The following RAB20 variants were observed in gnomAD, a reference collection of about 807,000 sequenced individuals.
RAB20 encodes the protein RAB20, member RAS oncogene family, also known as ras-related protein Rab-20.
RAB20 carries 2 observed loss-of-function variants against 3.7 expected under a neutral mutation model. That is an observed-to-expected ratio of 0.54 (90% CI 0.22 to 1.69). The LOEUF (loss-of-function observed/expected upper bound fraction) is 1.69. Among genes scored for constraint, RAB20 ranks in the 40% most tolerant of loss-of-function variants. RAB20 has a pLI of 0.19. For synonymous variants in RAB20, 126 were observed against 130.8 expected (o/e 0.96, Z 0.25); for missense variants, 276 against 311.9 (o/e 0.88, Z 0.87).
chr13:110,528,413 C>CAAAAAAAAAAAAAAAAAAAA (rs11386477), intron 1 of RAB20, among the ~76,000 whole-genome samples: 1 of 122,448 alleles, frequency 8.2e-6, no homozygotes, highest in African/African-American at 3.1e-5. Context: ...AACTCCATCT[C>CAAAAAAAAAAAAAAAAAAAA]AAAAAAAAAA....
At chr13:110,549,887 C>T (rs1884921957) in intron 1 of RAB20, among the ~76,000 whole-genome samples, 1 of 152,118 alleles carries the variant, frequency 6.6e-6, no homozygotes, top group Admixed American at 6.5e-5. Flanking sequence ...CCAAGCGCAG[C>T]TAATTTTTGT....
In RAB20 at chr13:110,523,389, G is replaced by A. The variant is rs1034606937; in HGVS notation, c.*276C>T. 6.5e-6 allele frequency: 4 copies of A among 615,452 alleles called. No homozygotes were observed. In the Admixed American group the frequency reaches 1.4e-4, roughly 21 times the overall value. 38.1% of individuals were successfully genotyped at this position (615,452 alleles called of 1,614,324 possible). A position where few individuals can be genotyped will look rare whatever the true frequency, so the allele number is the denominator to read the frequency against. Reference sequence around the variant, plus strand: ...GCTGGCTGCAAAGGACCAGTGCCAGGCAGCGGGGCAGAGAGCACCAGGGGT... The same window carrying A: ...GCTGGCTGCAAAGGACCAGTGCCAGACAGCGGGGCAGAGAGCACCAGGGGT... On this transcript the variant is annotated 3_prime_UTR_variant, in exon 2 of 2. Transcript: ENST00000267328.
chr13:110,548,207 G>A (rs1313302567), intron 1 of RAB20, among the ~76,000 whole-genome samples: 1 of 152,172 alleles, frequency 6.6e-6, no homozygotes, highest in Non-Finnish European at 1.5e-5. Flanking sequence ...AATTCGGCCG[G>A]GCACGGTGGC....
intron 1 of RAB20, among the ~76,000 whole-genome samples, chr13:110,534,909 C>T (rs1884611696): frequency 6.6e-6 from 1 of 152,208 alleles, no homozygotes; most frequent in Non-Finnish European, 1.5e-5. Flanking sequence ...TCATGGCTCA[C>T]TGCAACCTCA....
intron 1 of RAB20, among the ~76,000 whole-genome samples, chr13:110,529,239 C>G (rs1297394118): frequency 6.6e-6 from 1 of 152,242 alleles, no homozygotes; most frequent in Non-Finnish European, 1.5e-5. Flanking sequence ...GACCCTCACG[C>G]GTTTTCTGGA....
At chr13:110,526,891 AC>A (rs1166448214) in intron 1 of RAB20, among the ~76,000 whole-genome samples, 5 of 152,148 alleles carry the variant, frequency 3.3e-5, no homozygotes, top group Non-Finnish European at 5.9e-5. Flanking sequence ...GTACTTAAGG[AC>A]AGCTGGTTAC....
At position 110,531,151 on chromosome 13, in the gene RAB20, GAGA is replaced by G. The variant is rs554596094; in HGVS notation, c.173-6957_173-6955del. Among the ~76,000 whole-genome samples, 11 of 152,312 alleles carry G rather than the reference GAGA, an allele frequency of 7.2e-5. No homozygotes were observed. The East Asian group carries it at 2.1e-3, about 29-fold the overall frequency. On this transcript the variant is annotated intron_variant, in intron 1 of 1. Coordinates refer to ENST00000267328, the MANE Select transcript of RAB20 (RefSeq NM_017817.3). ...AGGAGGAGGAACTGAGGCACAGATG[GAGA>G]AGGAGGTGGGCAACAGACACAGGAG...
Position 110,526,546 on chromosome 13 carries a change from G to A in RAB20, c.173-2349C>T, listed in dbSNP as rs555622266. Among the ~76,000 whole-genome samples the A allele has an allele frequency of 2.6e-5, 4 of 152,220 alleles. No individual in the cohort carries two copies. The East Asian group carries it at 5.8e-4, about 22-fold the overall frequency. On this transcript the variant is annotated intron_variant, in intron 1 of 1. Transcript: ENST00000267328. ...TTCCCCTGAGTGTGTGGACAGTGTC[G>A]ACCACTAGCAAGGGCTCTTAACCAC...
At chr13:110,525,608 G>C (rs1242082961) in intron 1 of RAB20, among the ~76,000 whole-genome samples, 1 of 152,256 alleles carries the variant, frequency 6.6e-6, no homozygotes, top group Non-Finnish European at 1.5e-5. Flanking sequence ...CAGATGTGGA[G>C]GACAGACTCC....
rs917634336 is a variant in RAB20, at chr13:110,523,394, G to A, written c.*271C>T. The A allele has an allele frequency of 7.5e-5, 47 of 627,326 alleles. No homozygotes were observed. The highest frequency in any genetic ancestry group is 3.4e-5 in the Non-Finnish European group (13 of 382,826). The allele number at this position is 627,326 out of a possible 1,614,324, so 38.9% of individuals were successfully genotyped here. A position where few individuals can be genotyped will look rare whatever the true frequency, so the allele number is the denominator to read the frequency against. On this transcript the variant is annotated 3_prime_UTR_variant, in exon 2 of 2. Transcript: ENST00000267328. ...CTGCAAAGGACCAGTGCCAGGCAGC[G>A]GGGCAGAGAGCACCAGGGGTCTCGA...
In RAB20 at chr13:110,561,221, C is replaced by G. The variant is rs569165352; in HGVS notation, c.172+127G>C. ...GCAAGGGAGGACGAGTGGGAAACCC[C>G]GAGAAGGAGGCATTTGCTGTCCGAG... On this transcript the variant is annotated intron_variant, in intron 1 of 1. Transcript: ENST00000267328. 2,458 of 1,239,758 alleles carry G rather than the reference C, an allele frequency of 2.0e-3. 4 individuals are homozygous for G. Among genetic ancestry groups the G allele is most frequent in the Non-Finnish European group, 2.5e-3 (2,340 of 937,470 alleles). 76.8% of individuals were successfully genotyped at this position (1,239,758 alleles called of 1,614,324 possible). A position where few individuals can be genotyped will look rare whatever the true frequency, so the allele number is the denominator to read the frequency against.
chr13:110,536,654 C>T (rs1294106573), intron 1 of RAB20, among the ~76,000 whole-genome samples: 2 of 134,748 alleles, frequency 1.5e-5, no homozygotes, highest in Non-Finnish European at 3.0e-5. Context: ...CAGAACTGCT[C>T]GCTTCCTGAA....
rs957262906 is a variant in RAB20 at position 110,561,419 on chromosome 13, A to C, written c.101T>G (p.Val34Gly). Residue 34 changes from valine (V) to glycine (G), a missense_variant, in exon 1 of 2, where the codon GTC (valine) becomes GGC (glycine). Coordinates refer to ENST00000267328, the MANE Select transcript of RAB20 (RefSeq NM_017817.3). Reference sequence around the variant, plus strand: ...GTAGAAGGCGCCGCCCACCGTGCTGACCGTGTCCGGGAAGCGCCGCTCCAT... The same window carrying C: ...GTAGAAGGCGCCGCCCACCGTGCTGCCCGTGTCCGGGAAGCGCCGCTCCAT... Reference protein sequence around the residue: ...RYMERRFPDTVSTVGGAFYLK... With the variant: ...RYMERRFPDTGSTVGGAFYLK... 1.9e-6 allele frequency: 3 copies of C among 1,609,900 alleles called. No homozygotes were observed. The highest frequency in any genetic ancestry group is 2.5e-6 in the Non-Finnish European group (3 of 1,178,102).
chr13:110,547,185 C>A (rs1884868120), intron 1 of RAB20, among the ~76,000 whole-genome samples: 1 of 152,340 alleles, frequency 6.6e-6, no homozygotes, highest in East Asian at 1.9e-4. Flanking sequence ...CTCCTCTAAC[C>A]AGACTGTCCT....
At chr13:110,538,730 C>T (rs1359820129) in intron 1 of RAB20, among the ~76,000 whole-genome samples, 1 of 152,136 alleles carries the variant, frequency 6.6e-6, no homozygotes. Flanking sequence ...AACCAGCTCC[C>T]TGGGGACGGC....
chr13:110,552,893 A>AC (rs1470527541), intron 1 of RAB20, among the ~76,000 whole-genome samples: 1 of 152,102 alleles, frequency 6.6e-6, no homozygotes, highest in East Asian at 1.9e-4. Context: ...GTCCCCTGGC[A>AC]CCCCAGGATT....
chr13:110,524,108 G>C lies in RAB20; in HGVS notation c.262C>G (p.Leu88Val). ...AGGAACCGGTCCTCCAGCTCCACCAGGCTCTGCCGGTGATTCACATCATAG... is the reference window on the plus strand; with the variant it reads ...AGGAACCGGTCCTCCAGCTCCACCACGCTCTGCCGGTGATTCACATCATAG... ...LTYDVNHRQS[L>V]VELEDRFLGL... The change falls in exon 2 of 2, where the codon CTG (leucine) becomes GTG (valine). Residue 88 changes from leucine to valine, a missense_variant. By Grantham distance (32) the Leu-to-Val change is conservative. Coordinates refer to ENST00000267328, the MANE Select transcript of RAB20 (RefSeq NM_017817.3). 1 of 1,612,944 alleles carries C rather than the reference G, an allele frequency of 6.2e-7. No homozygotes were observed. The highest frequency in any genetic ancestry group is 1.3e-5 in the African/African-American group (1 of 75,056).
At chr13:110,536,783 ATTTT>A (rs35700829) in intron 1 of RAB20, among the ~76,000 whole-genome samples, 4 of 128,828 alleles carry the variant, frequency 3.1e-5, no homozygotes, top group African/African-American at 1.2e-4. Context: ...TTTAATGGGA[ATTTT>A]TTTTTTATTA....
chr13:110,525,502 C>T (rs1884413778), intron 1 of RAB20, among the ~76,000 whole-genome samples: 1 of 152,238 alleles, frequency 6.6e-6, no homozygotes, highest in African/African-American at 2.4e-5. Context: ...ACCTCCCCAC[C>T]AGCAGGCGGC....
Sources: allele counts gnomAD v4.1 joint callset (sites outside exome capture counted in the v4.1 genomes callset), GRCh38; gene constraint gnomAD v4.1.1; transcripts MANE v1.5; gene names NCBI Gene and HGNC (gene_info 2026-07-23, HGNC 2026-07-21).